The following PRPF3 variants were observed in gnomAD, a reference collection of about 807,000 sequenced individuals.
PRPF3 encodes the protein U4/U6 small nuclear ribonucleoprotein Prp3.
PRPF3 carries 3 observed loss-of-function variants against 89.2 expected under a neutral mutation model. That is an observed-to-expected ratio of 0.03 (90% confidence interval 0.02 to 0.09). PRPF3 has a LOEUF of 0.09. Ranked by LOEUF, PRPF3 falls within the 10% of genes least tolerant of loss-of-function variation. PRPF3 has a pLI of 1.00. For synonymous variants in PRPF3, 270 were observed against 289.1 expected (o/e 0.93, Z 0.67); for missense variants, 463 against 828.8 (o/e 0.56, Z 5.42).
Position 150,325,857 on chromosome 1 carries a change from C to T in PRPF3, c.252C>T (p.Asp84=). 1 of 1,613,500 alleles carries T rather than the reference C, an allele frequency of 6.2e-7. No individual in the cohort carries two copies. The highest frequency in any genetic ancestry group is 8.5e-7 in the Non-Finnish European group (1 of 1,179,598). ...CTAGGCATTCCAAGTCTAGCAGTGA[C>T]AGGAGCAGAAAACGAGAGCTAAAGG... ...RSSRHSKSSS[D]RSRKRELKEV... is the part of the protein sequence containing the mutation. The change falls in exon 3 of 16, where the codon GAC becomes GAT. Residue 84 remains aspartate, a synonymous_variant. Coordinates refer to ENST00000324862, the MANE Select transcript of PRPF3 (RefSeq NM_004698.4).
chr1:150,330,483 G>T (rs1408753759), intron 4 of PRPF3: 1 of 152,380 alleles, frequency 6.6e-6, no homozygotes, highest in Non-Finnish European at 1.5e-5. Context: ...AGCCTCCTGA[G>T]TAGCTGGGAC....
intron 7 of PRPF3, among the ~76,000 whole-genome samples, chr1:150,336,270 G>T (rs1036764027): frequency 6.6e-6 from 1 of 152,032 alleles, no homozygotes; most frequent in South Asian, 2.1e-4. Flanking sequence ...TTCACAATAG[G>T]GTTCGCGCTC....
intron 15 of PRPF3, among the ~76,000 whole-genome samples, chr1:150,352,015 A>T (rs1454755460): frequency 2.6e-5 from 4 of 152,016 alleles, no homozygotes; most frequent in African/African-American, 9.7e-5. Context: ...ACGCCTCTTG[A>T]GGTATTGCTT....
chr1:150,326,330 A>C (rs1311646352), intron 3 of PRPF3, among the ~76,000 whole-genome samples: 1 of 152,158 alleles, frequency 6.6e-6, no homozygotes, highest in Non-Finnish European at 1.5e-5. Context: ...AATACCAAAA[A>C]ATAACTATTA....
chr1:150,344,923 A>G (rs1553872531), intron 12 of PRPF3, among the ~76,000 whole-genome samples: 1 of 151,260 alleles, frequency 6.6e-6, no homozygotes, highest in Non-Finnish European at 1.5e-5. Flanking sequence ...TTTGCTTCCA[A>G]CATCCATGGA....
intron 4 of PRPF3, among the ~76,000 whole-genome samples, chr1:150,331,463 C>T (rs1553865516): frequency 1.3e-5 from 2 of 152,164 alleles, no homozygotes; most frequent in African/African-American, 4.8e-5. Flanking sequence ...CTTCTGGATT[C>T]AAGCGCTTCT....
chr1:150,338,157 T>C lies in PRPF3; in HGVS notation c.1036-3T>C. 1 of 1,614,050 alleles carries C rather than the reference T, an allele frequency of 6.2e-7. No homozygotes were observed. Among genetic ancestry groups the C allele is most frequent in the Non-Finnish European group, 8.5e-7 (1 of 1,179,954 alleles). On this transcript the variant is annotated splice_region_variant and splice_polypyrimidine_tract_variant and intron_variant, in intron 7 of 15. Coordinates refer to ENST00000324862, the MANE Select transcript of PRPF3 (RefSeq NM_004698.4). ...TTTCTGTCTTGGATTATCTTGTTTT[T>C]AGGCTCAACTGGAGAAGCTACAGGC... is the stretch of plus-strand genomic sequence containing the variant.
chr1:150,343,862 A>G (rs1658027256), intron 10 of PRPF3, among the ~76,000 whole-genome samples: 1 of 152,216 alleles, frequency 6.6e-6, no homozygotes, highest in Admixed American at 6.6e-5. Flanking sequence ...ACTATTATTT[A>G]TAAGCTCTTT....
chr1:150,324,804 C>T (rs1655521356), intron 1 of PRPF3, 91 bp from the exon 2 acceptor site: 1 of 1,061,286 alleles, frequency 9.4e-7, no homozygotes, highest in Non-Finnish European at 1.4e-6. Flanking sequence ...ACCTTGGCCT[C>T]CCAAAGTGCT....
intron 7 of PRPF3, 44 bp downstream of exon 7, chr1:150,335,285 A>C (rs781900079): frequency 5.7e-6 from 9 of 1,565,974 alleles, no homozygotes; most frequent in South Asian, 1.1e-5. Context: ...AAAAGTTAAG[A>C]AGCTGACAAG....
At chr1:150,325,936 G>A in intron 3 of PRPF3, 55 bp downstream of exon 3, 1 of 1,598,334 alleles carries the variant, frequency 6.3e-7, no homozygotes, top group Non-Finnish European at 8.6e-7. Flanking sequence ...TGGTAACAGA[G>A]TTGCTGAGCT....
chr1:150,326,352 C>T (rs1383378749), intron 3 of PRPF3, among the ~76,000 whole-genome samples: 1 of 152,132 alleles, frequency 6.6e-6, no homozygotes, highest in Non-Finnish European at 1.5e-5. Flanking sequence ...TTATTATATT[C>T]TTGAGAGCTT....
At chr1:150,341,713 T>C (rs587629990) in intron 9 of PRPF3, among the ~76,000 whole-genome samples, 1 of 151,024 alleles carries the variant, frequency 6.6e-6, no homozygotes, top group Non-Finnish European at 1.5e-5. Flanking sequence ...GCCTTTTTTT[T>C]TTTTTTGAGT....
At chr1:150,351,835 C>A (rs1658961674) in intron 15 of PRPF3, among the ~76,000 whole-genome samples, 1 of 151,920 alleles carries the variant, frequency 6.6e-6, no homozygotes, top group African/African-American at 2.4e-5. Flanking sequence ...TCAGCACCCT[C>A]ATCTTTCAAT....
intron 4 of PRPF3, among the ~76,000 whole-genome samples, chr1:150,331,580 G>A (rs1656397500): frequency 6.6e-6 from 1 of 150,882 alleles, no homozygotes; most frequent in Non-Finnish European, 1.5e-5. Flanking sequence ...AGCCAGGCTG[G>A]TCTTCAGCTC....
intron 12 of PRPF3, 78 bp from the exon 13 acceptor site, chr1:150,345,940 C>A: frequency 1.8e-6 from 2 of 1,098,628 alleles, no homozygotes; most frequent in Non-Finnish European, 2.8e-6. Flanking sequence ...ATTTTGGATT[C>A]ATCTTTTTAC....
chr1:150,343,255 A>G, intron 9 of PRPF3, 54 bp from the exon 10 acceptor site: 1 of 1,133,738 alleles, frequency 8.8e-7, no homozygotes, highest in Non-Finnish European at 1.2e-6. Context: ...AAAAATATAT[A>G]TATATATATA....
At chr1:150,331,622 C>T (rs1205535007) in intron 4 of PRPF3, among the ~76,000 whole-genome samples, 1 of 152,128 alleles carries the variant, frequency 6.6e-6, no homozygotes, top group Non-Finnish European at 1.5e-5. Context: ...ACCTCAGCCT[C>T]TCAAAGTGCT....
At chr1:150,337,184 G>A (rs60643326) in intron 7 of PRPF3, among the ~76,000 whole-genome samples, 2,260 of 151,722 alleles carry the variant, frequency 0.015, 49 homozygotes, top group African/African-American at 0.051. Flanking sequence ...GACTATAGGC[G>A]CCCGCCACCA....
Sources: allele counts gnomAD v4.1 joint callset (sites outside exome capture counted in the v4.1 genomes callset), GRCh38; gene constraint gnomAD v4.1.1; transcripts MANE v1.5; gene names NCBI Gene and HGNC (gene_info 2026-07-23, HGNC 2026-07-21).